SLIT3: variants seen among roughly 807,000 people sequenced by gnomAD.
The protein encoded by SLIT3 is slit homolog 3 protein.
SLIT3 carries 68 observed loss-of-function variants against 184.0 expected under a neutral mutation model. The observed-to-expected ratio is 0.37, with a 90% CI of 0.30 to 0.45. SLIT3 has a LOEUF of 0.45. Ranked by LOEUF, SLIT3 falls within the 20% of genes least tolerant of loss-of-function variation. The pLI, the probability that SLIT3 is intolerant of heterozygous loss-of-function variation, is 1.00. For missense variants in SLIT3, 1,707 were observed against 2,026.0 expected (o/e 0.84, Z 3.02); for synonymous variants, 831 against 828.6 (o/e 1.00, Z -0.05).
chr5:169,022,065 T>G (rs1197318055), intron 4 of SLIT3: 1 of 152,224 alleles, frequency 6.6e-6, no homozygotes, highest in African/African-American at 2.4e-5. Flanking sequence ...CCACCAAAGA[T>G]TCCTCCAGCT....
chr5:168,812,463 A>G lies in SLIT3; in HGVS notation c.793+4837T>C, dbSNP rs79189800. ...AAACATCACACTGTACACTATCAGTATGTTCAATTATTGTGTGTCAATTCA... is the reference window on the plus strand; with the variant it reads ...AAACATCACACTGTACACTATCAGTGTGTTCAATTATTGTGTGTCAATTCA... On this transcript the variant is annotated intron_variant, in intron 8 of 35. Transcript: ENST00000519560. Among the ~76,000 whole-genome samples the G allele has an allele frequency of 9.4e-3, 1,430 of 152,348 alleles. 18 individuals are homozygous for G. The highest frequency in any genetic ancestry group is 0.059 in the South Asian group (283 of 4,820).
At chr5:168,820,655 G>A (rs1356863043) in intron 7 of SLIT3, among the ~76,000 whole-genome samples, 1 of 152,206 alleles carries the variant, frequency 6.6e-6, no homozygotes, top group African/African-American at 2.4e-5. Context: ...CACCGAGGTG[G>A]CTAGGTGGGT....
chr5:168,813,756 T>C (rs1757241582), intron 8 of SLIT3, among the ~76,000 whole-genome samples: 1 of 152,172 alleles, frequency 6.6e-6, no homozygotes, highest in Admixed American at 6.5e-5. Flanking sequence ...TCCAGACAGC[T>C]GGATTTAATT....
At chr5:168,870,535 C>A (rs1759476197) in intron 5 of SLIT3, among the ~76,000 whole-genome samples, 1 of 152,176 alleles carries the variant, frequency 6.6e-6, no homozygotes, top group South Asian at 2.1e-4. Context: ...CTGGCATTAT[C>A]CTGATTCTCT....
At chr5:168,731,301 C>T (rs1220348320) in intron 20 of SLIT3, among the ~76,000 whole-genome samples, 2 of 150,386 alleles carry the variant, frequency 1.3e-5, no homozygotes, top group Non-Finnish European at 3.0e-5. Flanking sequence ...TACAAAATAT[C>T]CCCCCCTAAA....
At chr5:169,238,592 GT>G (rs1167928874) in intron 3 of SLIT3, among the ~76,000 whole-genome samples, 1 of 133,232 alleles carries the variant, frequency 7.5e-6, no homozygotes, top group African/African-American at 2.9e-5. Context: ...GCTCATTCTG[GT>G]TTTTGCAAAG....
chr5:169,004,812 T>C (rs1376160283), intron 4 of SLIT3, among the ~76,000 whole-genome samples: 1 of 152,148 alleles, frequency 6.6e-6, no homozygotes, highest in Non-Finnish European at 1.5e-5. Flanking sequence ...CTCTAGGCCA[T>C]GTGACGATAC....
chr5:168,893,197 T>TGGTTGG (rs1034664285), intron 4 of SLIT3, among the ~76,000 whole-genome samples: 23 of 152,332 alleles, frequency 1.5e-4, no homozygotes, highest in Admixed American at 4.6e-4. Context: ...TTATCAACCT[T>TGGTTGG]GGTTGGGTGT....
intron 4 of SLIT3, among the ~76,000 whole-genome samples, chr5:168,897,620 GAGAA>G (rs1760714188): frequency 7.2e-6 from 1 of 138,648 alleles, no homozygotes; most frequent in Non-Finnish European, 1.6e-5. Context: ...GTGAGGCAAA[GAGAA>G]AGAGGATGGA....
At chr5:168,868,107 A>G (rs952811585) in intron 5 of SLIT3, among the ~76,000 whole-genome samples, 1 of 152,118 alleles carries the variant, frequency 6.6e-6, no homozygotes, top group East Asian at 1.9e-4. Context: ...ACCAAACCAA[A>G]CCCCAAAACT....
At chr5:168,772,572 G>C in intron 14 of SLIT3, 102 of 356,582 alleles carry the variant, frequency 2.9e-4, no homozygotes, top group Non-Finnish European at 4.2e-4. Flanking sequence ...TGCTTTTATT[G>C]TGTGTGTGTG....
intron 5 of SLIT3, among the ~76,000 whole-genome samples, chr5:168,858,465 C>T (rs893136446): frequency 6.6e-6 from 1 of 152,262 alleles, no homozygotes; most frequent in Admixed American, 6.5e-5. Context: ...AAGTAAGGTC[C>T]TTTCAAGTGA....
chr5:169,210,433 T>A (rs932163150), intron 3 of SLIT3, among the ~76,000 whole-genome samples: 1 of 152,122 alleles, frequency 6.6e-6, no homozygotes, highest in Admixed American at 6.5e-5. Context: ...TAAAGTCAAA[T>A]TAAAGAAAAT....
At chr5:169,020,131 G>C (rs919458334) in intron 4 of SLIT3, among the ~76,000 whole-genome samples, 13 of 147,380 alleles carry the variant, frequency 8.8e-5, no homozygotes, top group African/African-American at 3.2e-4. Context: ...GAGAGAAACA[G>C]TATGACCTAC....
chr5:168,873,685 C>T (rs907652805), intron 5 of SLIT3, among the ~76,000 whole-genome samples: 4 of 152,002 alleles, frequency 2.6e-5, no homozygotes, highest in Admixed American at 6.6e-5. Context: ...CAGAAAGCAA[C>T]GTACAAATGC....
chr5:168,670,935 C>T (rs935793655), intron 34 of SLIT3, among the ~76,000 whole-genome samples: 5 of 152,100 alleles, frequency 3.3e-5, no homozygotes, highest in African/African-American at 1.2e-4. Context: ...CTCACTGTGG[C>T]TCTGGACAGG....
At chr5:168,972,509 TCA>T (rs1268198905) in intron 4 of SLIT3, among the ~76,000 whole-genome samples, 1 of 152,078 alleles carries the variant, frequency 6.6e-6, no homozygotes, top group Non-Finnish European at 1.5e-5. Flanking sequence ...TGCTTGAATC[TCA>T]GTTTCCCCAC....
intron 4 of SLIT3, among the ~76,000 whole-genome samples, chr5:169,112,841 A>G (rs934169967): frequency 6.6e-6 from 1 of 152,088 alleles, no homozygotes; most frequent in African/African-American, 2.4e-5. Context: ...CCCAAAAGCC[A>G]CAGCTTCTGT....
At chr5:169,234,755 T>G (rs929752410) in intron 3 of SLIT3, among the ~76,000 whole-genome samples, 3 of 152,162 alleles carry the variant, frequency 2.0e-5, no homozygotes, top group African/African-American at 7.2e-5. Context: ...ATGGGCACCA[T>G]GAGGCCTAAG....
Sources: gnomAD v4.1 joint callset for allele counts (sites outside exome capture counted in the v4.1 genomes callset) on GRCh38, gnomAD v4.1.1 for gene constraint, MANE v1.5 for transcripts, NCBI Gene and HGNC (gene_info 2026-07-23, HGNC 2026-07-21) for gene names.